The following SMIM19 variants were observed in gnomAD, a reference collection of about 807,000 sequenced individuals.
SMIM19 encodes the protein UPF0697 protein C8orf40.
A neutral mutation model predicts 13.2 loss-of-function variants in SMIM19; 6 were observed. That is an observed-to-expected ratio of 0.45 (90% CI 0.25 to 0.90). The LOEUF is 0.90. SMIM19 is among the 40% of genes least tolerant of loss of function. The probability of loss-of-function intolerance (pLI) is 0.19; values close to 1 mark genes in which losing one functional copy is unlikely to be tolerated. For synonymous variants in SMIM19, 46 were observed against 43.1 expected, an observed-to-expected ratio of 1.07 and a Z score of -0.27; for missense variants, 138 against 131.0, an observed-to-expected ratio of 1.05 and a Z score of -0.26.
At chr8:42,548,249 C>A in intron 2 of SMIM19, 1 of 360,718 alleles carries the variant, frequency 2.8e-6, no homozygotes, top group South Asian at 2.1e-5. Context: ...TATGTTTATT[C>A]ATTACTTTCC....
intron 1 of SMIM19, among the ~76,000 whole-genome samples, chr8:42,543,420 A>G (rs1813350957): frequency 6.6e-6 from 1 of 152,194 alleles, no homozygotes; most frequent in African/African-American, 2.4e-5. Context: ...AATCTTTCAC[A>G]ACTACACTCC....
intron 1 of SMIM19, among the ~76,000 whole-genome samples, chr8:42,544,854 A>G (rs1813423732): frequency 6.6e-6 from 1 of 152,186 alleles, no homozygotes; most frequent in South Asian, 2.1e-4. Context: ...CTCTGCCCTC[A>G]AAACATGTAT....
rs939777877 is a variant in SMIM19 at position 42,541,969 on chromosome 8, G to A, written c.-409G>A. The A allele has an allele frequency of 1.3e-5, 2 of 152,136 alleles. No individual in the cohort carries two copies. The highest frequency in any genetic ancestry group is 4.8e-5 in the African/African-American group (2 of 41,450). 9.4% of individuals were successfully genotyped at this position (152,136 alleles called of 1,614,324 possible). On this transcript the variant is annotated 5_prime_UTR_variant, in exon 1 of 4. Transcript: ENST00000417410. ...GCGGCCCATCTGCCGGGGCGGCGGG[G>A]GCTCGGCGGGAGGGTTGAGGCTGAA...
At chr8:42,547,122 A>C (rs1355462413) in intron 2 of SMIM19, among the ~76,000 whole-genome samples, 1 of 152,044 alleles carries the variant, frequency 6.6e-6, no homozygotes, top group African/African-American at 2.4e-5. Flanking sequence ...GCATTTTGGG[A>C]GGCTGAGGCT....
chr8:42,551,234 C>T (rs1348171227), intron 3 of SMIM19, among the ~76,000 whole-genome samples: 5 of 150,086 alleles, frequency 3.3e-5, no homozygotes, highest in Admixed American at 2.7e-4. Context: ...AGGAGAATGG[C>T]ATGAACCCAG....
intron 1 of SMIM19, 37 bp from the exon 2 acceptor site, chr8:42,546,432 A>G (rs1813485392): frequency 6.4e-7 from 1 of 1,573,250 alleles, no homozygotes; most frequent in East Asian, 2.2e-5. Flanking sequence ...TACCATCATT[A>G]ATTAAAAGAA....
At chr8:42,546,403 A>C in intron 1 of SMIM19, 66 bp from the exon 2 acceptor site, 7 of 1,501,230 alleles carry the variant, frequency 4.7e-6, no homozygotes, top group Non-Finnish European at 6.2e-6. Flanking sequence ...ATGTTTGCCA[A>C]CCCTTCTCCA....
rs970918976 is a variant in SMIM19, at chr8:42,546,913, T to G, written c.134+307T>G. ...CAGGAGAATCACTTGAACCAGGGAG[T>G]TGGAGGTTGCAGTGGTGTACTCCAG... On this transcript the variant is annotated intron_variant, in intron 2 of 3. Transcript: ENST00000417410. Among the ~76,000 whole-genome samples the G allele has an allele frequency of 2.1e-4, 19 of 89,308 alleles. No homozygotes were observed. The Middle Eastern group carries it at 0.018, about 86-fold the overall frequency. 58.6% of individuals were successfully genotyped at this position (89,308 alleles called of 152,430 possible).
At position 42,546,529 on chromosome 8, in the gene SMIM19, C is replaced by G; in HGVS notation, c.57C>G (p.His19Gln). 2 of 1,614,192 alleles carry G rather than the reference C, an allele frequency of 1.2e-6. No homozygotes were observed. Among genetic ancestry groups the G allele is most frequent in the Non-Finnish European group, 8.5e-7 (1 of 1,180,032 alleles). Residue 19 changes from histidine to glutamine, a missense_variant, in exon 2 of 4, where the codon CAC becomes CAG. Transcript: ENST00000417410. ...GDDGSIDYTV[H>Q]EAWNEATNVY... ...ATGGTTCTATTGATTATACTGTTCA[C>G]GAAGCCTGGAATGAAGCCACCAATG... is the stretch of plus-strand genomic sequence containing the variant.
chr8:42,546,483 G>A lies in SMIM19; in HGVS notation c.11G>A (p.Gly4Asp), dbSNP rs192936403. Residue 4 changes from glycine (G) to aspartate (D), a missense_variant, in exon 2 of 4, where the codon GGT becomes GAT. Transcript: ENST00000417410. MAG[G>D]YGVMGDDGSI... ...CTCTCTTACAGCCCCATGGCTGGGGGTTATGGAGTGATGGGTGACGATGGT... is the reference window on the plus strand; with the variant it reads ...CTCTCTTACAGCCCCATGGCTGGGGATTATGGAGTGATGGGTGACGATGGT... 6.2e-6 allele frequency: 10 copies of A among 1,612,146 alleles called. No individual in the cohort carries two copies. The South Asian group carries it at 9.9e-5, about 16-fold the overall frequency.
rs1813757070 is a variant in SMIM19, at chr8:42,554,233, T to A, written c.*1625T>A. 1 of 152,224 alleles carries A rather than the reference T, an allele frequency of 6.6e-6. No individual in the cohort carries two copies. The highest frequency in any genetic ancestry group is 6.5e-5 in the Admixed American group (1 of 15,278). 9.4% of individuals were successfully genotyped at this position (152,224 alleles called of 1,614,324 possible). ...CCTACATGTTGAATTTAAATCTGAC[T>A]AAAGGATTGTAAACAGTTGTAATTA... On this transcript the variant is annotated 3_prime_UTR_variant, in exon 4 of 4. Transcript: ENST00000417410.
Position 42,552,564 on chromosome 8 carries a change from C to G in SMIM19, c.280C>G (p.Gln94Glu). 6.2e-7 allele frequency: 1 copy of G among 1,614,074 alleles called. No homozygotes were observed. The highest frequency in any genetic ancestry group is 2.2e-5 in the East Asian group (1 of 44,874). Reference protein sequence around the residue: ...YSISRKYDYQQPQNQADSVQL... With the variant: ...YSISRKYDYQEPQNQADSVQL... The stretch of plus-strand genomic sequence containing the variant: ...AATAGCAAGAAAGTACGACTATCAG[C>G]AGCCACAAAACCAAGCTGACAGTGT... Residue 94 changes from glutamine (Q) to glutamate (E), a missense_variant, in exon 4 of 4, where the codon CAG becomes GAG. Physicochemically the swap from Gln to Glu is conservative, Grantham distance 29 (BLOSUM62 2). Transcript: ENST00000417410.
chr8:42,543,843 C>T (rs1292408463), intron 1 of SMIM19, among the ~76,000 whole-genome samples: 3 of 152,212 alleles, frequency 2.0e-5, no homozygotes, highest in Non-Finnish European at 4.4e-5. Context: ...AAAGCTGCCT[C>T]CCTTGCTGCA....
At chr8:42,545,612 C>T (rs1257494772) in intron 1 of SMIM19, among the ~76,000 whole-genome samples, 1 of 152,194 alleles carries the variant, frequency 6.6e-6, no homozygotes, top group Non-Finnish European at 1.5e-5. Context: ...CTCACTGTAA[C>T]CTCCGTCTCC....
chr8:42,541,460 G>C (rs1202308957), upstream of SMIM19: 1 of 147,392 alleles, frequency 6.8e-6, no homozygotes, highest in African/African-American at 2.5e-5. Flanking sequence ...ACGCGCCCGG[G>C]GGCGGCACTG....
chr8:42,552,470 A>C, intron 3 of SMIM19, 74 bp from the exon 4 acceptor site: 1 of 1,436,696 alleles, frequency 7.0e-7, no homozygotes, highest in Non-Finnish European at 9.7e-7. Context: ...ACTTGACTGT[A>C]ATGTAATATT....
chr8:42,552,464 G>T, intron 3 of SMIM19, 80 bp from the exon 4 acceptor site: 2 of 1,400,394 alleles, frequency 1.4e-6, no homozygotes, highest in South Asian at 2.4e-5. Context: ...ATCATGACTT[G>T]ACTGTAATGT....
intron 2 of SMIM19, among the ~76,000 whole-genome samples, chr8:42,547,977 G>A (rs1039488781): frequency 2.0e-5 from 3 of 152,148 alleles, no homozygotes; most frequent in Non-Finnish European, 1.5e-5. Flanking sequence ...AATAATTTAC[G>A]TTTGGCCTGA....
chr8:42,548,127 C>T (rs2131494271), intron 2 of SMIM19, among the ~76,000 whole-genome samples: 1 of 152,292 alleles, frequency 6.6e-6, no homozygotes, highest in Admixed American at 6.5e-5. Context: ...TGACCGCTTT[C>T]CTCTAAAAAC....
Sources: gnomAD v4.1 joint callset for allele counts (sites outside exome capture counted in the v4.1 genomes callset) on GRCh38, gnomAD v4.1.1 for gene constraint, MANE v1.5 for transcripts, NCBI Gene and HGNC (gene_info 2026-07-23, HGNC 2026-07-21) for gene names.